The following KMT2C variants were observed in gnomAD, a reference collection of about 807,000 sequenced individuals.
KMT2C encodes the protein lysine methyltransferase 2C.
In KMT2C, 88 loss-of-function variants were observed where a neutral mutation model predicts 507.9. The observed-to-expected ratio is 0.17, with a 90% CI of 0.15 to 0.21. The LOEUF (loss-of-function observed/expected upper bound fraction) is 0.21. Ranked by LOEUF, KMT2C falls within the 10% of genes least tolerant of loss-of-function variation. The probability of loss-of-function intolerance (pLI) is 1.00; values close to 1 mark genes in which losing one functional copy is unlikely to be tolerated. For missense variants in KMT2C, 4,954 were observed against 5,957.8 expected, an observed-to-expected ratio of 0.83 and a Z score of 5.55; for synonymous variants, 2,049 against 2,080.8, an observed-to-expected ratio of 0.98 and a Z score of 0.42.
In KMT2C at chr7:152,148,265, G is replaced by T. The variant is rs769689168; in HGVS notation, c.13662C>A (p.Ile4554=). Residue 4554 remains isoleucine, a synonymous_variant, in exon 52 of 59, where the codon ATC becomes ATA. Transcript: ENST00000262189. The surrounding 1 kb of genome is among the most constrained non-coding windows in gnomAD (Gnocchi z 7.1). ...RDHTFRVGSL[I]FHTIGQLLPQ... ...GAAGCAGCTGACCAATTGTGTGGAA[G>T]ATGAGGCTACCCACGCGAAAGGTAT... 6.2e-7 allele frequency: 1 copy of T among 1,614,272 alleles called. No homozygotes were observed. Among genetic ancestry groups the T allele is most frequent in the African/African-American group, 1.3e-5 (1 of 75,074 alleles).
intron 6 of KMT2C, among the ~76,000 whole-genome samples, chr7:152,290,250 G>A (rs1222532045): frequency 8.2e-5 from 6 of 73,538 alleles, no homozygotes; most frequent in South Asian, 4.4e-4. Flanking sequence ...GTGTGTGTGT[G>A]TGTATGTGTA....
intron 2 of KMT2C, among the ~76,000 whole-genome samples, chr7:152,344,171 C>T (rs1362161120): frequency 2.6e-5 from 4 of 152,136 alleles, no homozygotes; most frequent in Non-Finnish European, 4.4e-5. Flanking sequence ...TTATTTTGTT[C>T]TTATAAAGTA....
rs143017502 is a variant in KMT2C at position 152,227,254 on chromosome 7, G to A, written c.2977-2638C>T. Among the ~76,000 whole-genome samples, 80 of 152,188 alleles carry A rather than the reference G, an allele frequency of 5.3e-4. 1 individual carries two copies. The East Asian group carries it at 0.014, about 26-fold the overall frequency. On this transcript the variant is annotated intron_variant, in intron 18 of 58. Coordinates refer to ENST00000262189, the MANE Select transcript of KMT2C (RefSeq NM_170606.3). ...AATTTCCTTTTAACCTAGGTACTGG[G>A]GTTGTACTATCATTTTTTTCTTCCG...
At chr7:152,139,063 T>TG (rs1308435469) in intron 57 of KMT2C, 123 bp downstream of exon 57, 1 of 1,032,212 alleles carries the variant, frequency 9.7e-7, no homozygotes, top group African/African-American at 1.6e-5. Flanking sequence ...TCAACTCATT[T>TG]GCTCTGAATG....
intron 6 of KMT2C, among the ~76,000 whole-genome samples, chr7:152,282,517 C>T (rs1482653768): frequency 6.6e-6 from 1 of 152,180 alleles, no homozygotes; most frequent in Non-Finnish European, 1.5e-5. Context: ...AAATAAACGA[C>T]TGGAAGGAAC....
At chr7:152,268,164 A>C (rs755932302) in intron 7 of KMT2C, among the ~76,000 whole-genome samples, 32 of 152,338 alleles carry the variant, frequency 2.1e-4, no homozygotes, top group Non-Finnish European at 4.1e-4. Context: ...CTGTAGTCCC[A>C]GCTACTCAGG....
chr7:152,225,249 T>G (rs2094891659), intron 18 of KMT2C, among the ~76,000 whole-genome samples: 1 of 152,120 alleles, frequency 6.6e-6, no homozygotes, highest in African/African-American at 2.4e-5. Context: ...CTTAAAGATC[T>G]CAAAAGACTA....
At chr7:152,431,603 C>CA (rs71533568) in intron 1 of KMT2C, among the ~76,000 whole-genome samples, 5,495 of 116,260 alleles carry the variant, frequency 0.047, 147 homozygotes, top group Non-Finnish European at 0.068. Context: ...AAGACTCTGT[C>CA]AAAAAAAAAA....
chr7:152,262,474 C>T (rs966468193), intron 9 of KMT2C, among the ~76,000 whole-genome samples: 4 of 152,232 alleles, frequency 2.6e-5, no homozygotes, highest in African/African-American at 9.6e-5. Context: ...CCTGAAGGGG[C>T]AGAAGCCAAG....
chr7:152,151,454 G>A lies in KMT2C; in HGVS notation c.12654C>T (p.Thr4218=). ...SGVRKSFKDL[T]LLNKDSREST... ...AGTAGCAAAGTACCTTGTTCAAAAG[G>A]GTCAGATCTTTGAAAGATTTCCGCA... Residue 4218 remains threonine (T), a synonymous_variant, in exon 50 of 59, where the codon ACC becomes ACT. Coordinates refer to ENST00000262189, the MANE Select transcript of KMT2C (RefSeq NM_170606.3). 1 of 1,613,926 alleles carries A rather than the reference G, an allele frequency of 6.2e-7. No homozygotes were observed. The highest frequency in any genetic ancestry group is 8.5e-7 in the Non-Finnish European group (1 of 1,179,932).
At chr7:152,214,747 CG>C (rs1563426398) in intron 23 of KMT2C, among the ~76,000 whole-genome samples, 1 of 141,118 alleles carries the variant, frequency 7.1e-6, no homozygotes, top group African/African-American at 2.6e-5. Flanking sequence ...TGGTAGGCAG[CG>C]GGGTGAGAAG....
intron 6 of KMT2C, among the ~76,000 whole-genome samples, chr7:152,292,970 T>C (rs141282171): frequency 1.6e-4 from 25 of 152,316 alleles, no homozygotes; most frequent in African/African-American, 5.8e-4. Context: ...CAACATTTTA[T>C]ACAGCTTTTC....
At chr7:152,143,333 G>C (rs2090782369) in intron 55 of KMT2C, among the ~76,000 whole-genome samples, 1 of 152,218 alleles carries the variant, frequency 6.6e-6, no homozygotes, top group African/African-American at 2.4e-5. Flanking sequence ...AGAAAGATTA[G>C]CAGATAAAGT....
At chr7:152,179,638 T>G (rs1358499170) in intron 37 of KMT2C, among the ~76,000 whole-genome samples, 196 bp downstream of exon 37, 2 of 139,144 alleles carry the variant, frequency 1.4e-5, no homozygotes, top group Non-Finnish European at 3.1e-5. Context: ...TTTAAAAAAT[T>G]TTTAAATTTG....
intron 2 of KMT2C, among the ~76,000 whole-genome samples, chr7:152,346,653 C>A (rs1280255035): frequency 1.4e-4 from 22 of 152,126 alleles, no homozygotes; most frequent in Admixed American, 1.4e-3. Flanking sequence ...GGCTCCAACC[C>A]CCCCACCACA....
chr7:152,417,048 CAAA>C (rs34690030), intron 1 of KMT2C, among the ~76,000 whole-genome samples: 40 of 67,328 alleles, frequency 5.9e-4, no homozygotes, highest in African/African-American at 1.4e-3. Context: ...GACATCATCT[CAAA>C]AAAAAAAAAA....
chr7:152,255,136 TATATATATAC>T (rs1342236125), intron 9 of KMT2C, among the ~76,000 whole-genome samples: 238 of 124,096 alleles, frequency 1.9e-3, no homozygotes, highest in African/African-American at 7.8e-3. Context: ...TATATATATA[TATATATATAC>T]ATATATATAT....
chr7:152,284,659 GCATCTCCAAA>G (rs1358127798), intron 6 of KMT2C, among the ~76,000 whole-genome samples: 1 of 151,970 alleles, frequency 6.6e-6, no homozygotes, highest in Non-Finnish European at 1.5e-5. Context: ...TTTATAAAAT[GCATCTCCAAA>G]ACTGACTTCT....
At position 152,153,151 on chromosome 7, in the gene KMT2C, A is replaced by G. The variant is rs6967219; in HGVS notation, c.12277-197T>C. Among the ~76,000 whole-genome samples the G allele has an allele frequency of 9.5e-3, 1,450 of 152,326 alleles. 29 individuals are homozygous for G. Among genetic ancestry groups the G allele is most frequent in the African/African-American group, 0.033 (1,359 of 41,552 alleles). ...CTAATATCCAAAAAAAGAAATTTATAAACAGAAATCCTCATAAAGGGATTC... is the reference window on the plus strand; with the variant it reads ...CTAATATCCAAAAAAAGAAATTTATGAACAGAAATCCTCATAAAGGGATTC... On this transcript the variant is annotated intron_variant, in intron 48 of 58. Coordinates refer to ENST00000262189, the MANE Select transcript of KMT2C (RefSeq NM_170606.3).
Sources: gnomAD v4.1 joint callset for allele counts (sites outside exome capture counted in the v4.1 genomes callset) on GRCh38, gnomAD v4.1.1 for gene constraint, Gnocchi (gnomAD v3.1) non-coding constraint, MANE v1.5 for transcripts, NCBI Gene and HGNC (gene_info 2026-07-23, HGNC 2026-07-21) for gene names.